Variants in MRPS9 observed in about 807,000 individuals in gnomAD.
MRPS9 encodes mitochondrial ribosomal protein S9.
In MRPS9, 45 loss-of-function variants were observed where a neutral mutation model predicts 59.9. The ratio of observed to expected loss-of-function variants is 0.75; its 90% CI spans 0.59 to 0.96. The LOEUF (loss-of-function observed/expected upper bound fraction) is 0.96, where lower values mean the gene tolerates loss of function less well. Ranked by LOEUF, MRPS9 falls within the 40% of genes least tolerant of loss-of-function variation. The pLI, the probability that MRPS9 is intolerant of heterozygous loss-of-function variation, is 0.00. For synonymous variants in MRPS9, 171 were observed against 166.8 expected (o/e 1.03, Z -0.19); for missense variants, 473 against 481.1 (o/e 0.98, Z 0.16).
At chr2:105,073,696 A>C (rs779693781) in intron 4 of MRPS9, among the ~76,000 whole-genome samples, 8 of 152,198 alleles carry the variant, frequency 5.3e-5, no homozygotes, top group Non-Finnish European at 1.2e-4. Flanking sequence ...GGTCAACAGG[A>C]GCAAAGAGTA....
rs569862896 is a variant in MRPS9 at position 105,080,576 on chromosome 2, T to G, written c.489+514T>G. 5.9e-5 allele frequency among the ~76,000 whole-genome samples: 9 copies of G among 152,316 alleles called. No homozygotes were observed. In the South Asian group the frequency reaches 1.9e-3, roughly 32 times the overall value. ...GTTTGACTTCCAACTGCATTTAGTA[T>G]GCTGTGAACAATTTTTGTTTTGTTT... On this transcript the variant is annotated intron_variant, in intron 5 of 10. Coordinates refer to ENST00000258455, the MANE Select transcript of MRPS9 (RefSeq NM_182640.3).
At chr2:105,038,346 A>G in intron 1 of MRPS9, 119 bp downstream of exon 1, 1 of 1,346,616 alleles carries the variant, frequency 7.4e-7, no homozygotes, top group Non-Finnish European at 1.0e-6. Flanking sequence ...GATCTTAGGT[A>G]TTTAGTGGAG....
intron 5 of MRPS9, among the ~76,000 whole-genome samples, chr2:105,083,933 T>C (rs1458880340): frequency 6.6e-6 from 1 of 152,186 alleles, no homozygotes; most frequent in Non-Finnish European, 1.5e-5. Context: ...TTGAAAACTC[T>C]ATATATTGTC....
At chr2:105,056,294 C>G (rs1268348646) in intron 2 of MRPS9, among the ~76,000 whole-genome samples, 1 of 151,790 alleles carries the variant, frequency 6.6e-6, no homozygotes, top group African/African-American at 2.4e-5. Context: ...TTCAGTCTCC[C>G]CAACCTTATT....
chr2:105,038,211 C>G lies in MRPS9; in HGVS notation c.119C>G (p.Thr40Arg). ...LWKTAAPELQ[T>R]NVRSQILRLR... is the part of the protein sequence containing the mutation. ...AAAACCGCGGCCCCTGAGTTGCAAA[C>G]AAATGTCAGATCCCAGGTAAGGCCT... Residue 40 changes from threonine (T) to arginine (R), a missense_variant, in exon 1 of 11, where the codon ACA (threonine) becomes AGA (arginine). Physicochemically the swap from Thr to Arg is moderately conservative, Grantham distance 71. Transcript: ENST00000258455. 6.2e-7 allele frequency: 1 copy of G among 1,612,268 alleles called. No homozygotes were observed. Among genetic ancestry groups the G allele is most frequent in the South Asian group, 1.1e-5 (1 of 90,628 alleles).
intron 5 of MRPS9, among the ~76,000 whole-genome samples, chr2:105,087,435 G>A (rs1329313509): frequency 6.6e-6 from 1 of 152,164 alleles, no homozygotes; most frequent in Non-Finnish European, 1.5e-5. Context: ...TGCTGATGAT[G>A]ATCTAGGGAC....
intron 9 of MRPS9, among the ~76,000 whole-genome samples, 186 bp downstream of exon 9, chr2:105,093,824 A>C (rs1033244045): frequency 1.3e-5 from 2 of 152,236 alleles, no homozygotes; most frequent in Non-Finnish European, 2.9e-5. Context: ...TTTTTTAAAA[A>C]GCATCTCTAG....
intron 1 of MRPS9, among the ~76,000 whole-genome samples, chr2:105,042,242 G>T (rs112528038): frequency 6.6e-6 from 1 of 152,218 alleles, no homozygotes; most frequent in Non-Finnish European, 1.5e-5. Context: ...CACTGTGGGT[G>T]GGGAGAGTCT....
intron 5 of MRPS9, among the ~76,000 whole-genome samples, chr2:105,085,384 A>G (rs559808506): frequency 4.6e-5 from 7 of 152,308 alleles, no homozygotes; most frequent in Non-Finnish European, 8.8e-5. Context: ...TACTATTACC[A>G]TACTAGTATC....
In MRPS9 at chr2:105,071,439, A is replaced by G. The variant is rs1375147614; in HGVS notation, c.379-20A>G. 3.1e-6 allele frequency: 5 copies of G among 1,592,602 alleles called. No individual in the cohort carries two copies. The East Asian group carries it at 6.8e-5, about 22-fold the overall frequency. On this transcript the variant is annotated intron_variant, in intron 3 of 10. Coordinates refer to ENST00000258455, the MANE Select transcript of MRPS9 (RefSeq NM_182640.3). ...ATATGTTATGATAATTATCTAATAC[A>G]TTATTAATTTATTTTACAGCATCCT...
chr2:105,046,454 A>C (rs10172135), intron 1 of MRPS9, among the ~76,000 whole-genome samples: 74,621 of 151,566 alleles, frequency 0.49, 18,884 homozygotes, highest in East Asian at 0.72. Flanking sequence ...AAGTGTCAAC[A>C]TCATGTCTCA....
chr2:105,076,122 A>G (rs1323024564), intron 4 of MRPS9, among the ~76,000 whole-genome samples: 2 of 152,238 alleles, frequency 1.3e-5, no homozygotes, highest in South Asian at 2.1e-4. Context: ...ACTAAAAACT[A>G]TATTAGAATT....
At chr2:105,060,017 T>TAAAAAAAAAA (rs10547330) in intron 2 of MRPS9, among the ~76,000 whole-genome samples, 1 of 100,602 alleles carries the variant, frequency 9.9e-6, no homozygotes, top group African/African-American at 3.7e-5. Flanking sequence ...GGAAAACTGC[T>TAAAAAAAAAA]AAAAAAAAAA....
At chr2:105,043,344 A>C (rs1432696174) in intron 1 of MRPS9, among the ~76,000 whole-genome samples, 1 of 152,188 alleles carries the variant, frequency 6.6e-6, no homozygotes, top group Non-Finnish European at 1.5e-5. Flanking sequence ...TCCCCTTCAT[A>C]GTAGTATCCC....
chr2:105,086,102 T>C (rs1319002253), intron 5 of MRPS9, among the ~76,000 whole-genome samples: 2 of 152,204 alleles, frequency 1.3e-5, no homozygotes, highest in Non-Finnish European at 2.9e-5. Context: ...TAAAATTGTT[T>C]GACTCTTGAA....
chr2:105,040,155 A>C (rs1679476966), intron 1 of MRPS9, among the ~76,000 whole-genome samples: 1 of 152,110 alleles, frequency 6.6e-6, no homozygotes, highest in Non-Finnish European at 1.5e-5. Flanking sequence ...AAAGACATTG[A>C]TAAAGCTTTT....
intron 1 of MRPS9, among the ~76,000 whole-genome samples, chr2:105,041,051 A>G (rs1679492938): frequency 6.6e-6 from 1 of 152,144 alleles, no homozygotes; most frequent in South Asian, 2.1e-4. Flanking sequence ...TGGTGCAGAG[A>G]CAGGTCTGGA....
intron 4 of MRPS9, among the ~76,000 whole-genome samples, chr2:105,072,658 G>A (rs1228183617): frequency 1.3e-5 from 2 of 152,100 alleles, no homozygotes; most frequent in Non-Finnish European, 2.9e-5. Flanking sequence ...TTCTCAATAC[G>A]CAGGCCGCTT....
At chr2:105,071,272 T>C (rs756468903) in intron 2 of MRPS9, 41 bp from the exon 3 acceptor site, 2 of 1,531,888 alleles carry the variant, frequency 1.3e-6, no homozygotes, top group Non-Finnish European at 1.8e-6. Context: ...CTAACCTTGT[T>C]TATATAACAG....
Sources: gnomAD v4.1 joint callset for allele counts (sites outside exome capture counted in the v4.1 genomes callset) on GRCh38, gnomAD v4.1.1 for gene constraint, MANE v1.5 for transcripts, NCBI Gene and HGNC (gene_info 2026-07-23, HGNC 2026-07-21) for gene names.